Variants in ALKAL1 observed in about 807,000 individuals in gnomAD.
ALKAL1 encodes the protein ALK and LTK ligand 1.
Under a neutral mutation model 13.5 loss-of-function variants are expected in ALKAL1, and 23 were observed. The ratio of observed to expected loss-of-function variants is 1.70; its 90% CI spans 1.23 to 2.41. The LOEUF (loss-of-function observed/expected upper bound fraction) is 2.41. Ranked by LOEUF, ALKAL1 falls within the 30% of genes most tolerant of loss-of-function variation. The pLI is 0.00. For missense variants in ALKAL1, 181 were observed against 178.4 expected, an observed-to-expected ratio of 1.01 and a Z score of -0.08; for synonymous variants, 85 against 77.7, an observed-to-expected ratio of 1.09 and a Z score of -0.49.
intron 1 of ALKAL1, among the ~76,000 whole-genome samples, chr8:52,548,788 A>C (rs555916633): frequency 1.3e-5 from 2 of 152,260 alleles, no homozygotes; most frequent in Non-Finnish European, 2.9e-5. Flanking sequence ...AATTTGTAAA[A>C]GTTTCTAGTT....
chr8:52,543,338 G>A lies in ALKAL1; in HGVS notation c.191-893C>T, dbSNP rs112560368. On this transcript the variant is annotated intron_variant, in intron 1 of 4. Transcript: ENST00000358543. ...CTCTAGGAGAGTCTGAGCCATCACGGTGATGAGTGTGACTTCGCCAGCACA... is the reference window on the plus strand; with the variant it reads ...CTCTAGGAGAGTCTGAGCCATCACGATGATGAGTGTGACTTCGCCAGCACA... Among the ~76,000 whole-genome samples the A allele has an allele frequency of 7.1e-3, 1,085 of 152,360 alleles. 11 individuals carry two copies. Among genetic ancestry groups the A allele is most frequent in the African/African-American group, 0.025 (1,045 of 41,586 alleles).
intron 3 of ALKAL1, 143 bp downstream of exon 3, chr8:52,539,688 T>G: frequency 1.6e-6 from 1 of 619,916 alleles, no homozygotes; most frequent in Admixed American, 3.0e-5. Context: ...AACCTTAGGT[T>G]CTGTCAGTGT....
At chr8:52,562,927 G>T (rs1847565523) in intron 1 of ALKAL1, among the ~76,000 whole-genome samples, 1 of 152,164 alleles carries the variant, frequency 6.6e-6, no homozygotes, top group Admixed American at 6.5e-5. Context: ...GTCCCTGTTT[G>T]TTCCTGATCC....
At chr8:52,551,446 C>A (rs1847429397) in intron 1 of ALKAL1, among the ~76,000 whole-genome samples, 1 of 151,750 alleles carries the variant, frequency 6.6e-6, no homozygotes, top group Admixed American at 6.6e-5. Flanking sequence ...AGGCATGCCA[C>A]CATGCCCGGC....
At chr8:52,562,348 G>GA (rs1470725898) in intron 1 of ALKAL1, among the ~76,000 whole-genome samples, 1 of 152,128 alleles carries the variant, frequency 6.6e-6, no homozygotes, top group Admixed American at 6.5e-5. Context: ...ATTATGAACT[G>GA]AATTGTGCTC....
intron 2 of ALKAL1, among the ~76,000 whole-genome samples, chr8:52,540,486 G>A (rs1847302527): frequency 6.6e-6 from 1 of 152,134 alleles, no homozygotes; most frequent in South Asian, 2.1e-4. Flanking sequence ...AGCACTTTGG[G>A]AGGCCAAGGC....
chr8:52,545,167 G>A (rs2150344879), intron 1 of ALKAL1, among the ~76,000 whole-genome samples: 1 of 152,274 alleles, frequency 6.6e-6, no homozygotes. Context: ...ACTAAGCCAA[G>A]GGAAAAGTCA....
chr8:52,534,703 G>C (rs1847250312), intron 4 of ALKAL1, 103 bp from the exon 5 acceptor site: 3 of 456,518 alleles, frequency 6.6e-6, no homozygotes, highest in Non-Finnish European at 1.1e-5. Context: ...AGACTCTGTG[G>C]ACTCCTAATT....
chr8:52,538,427 TCA>T lies in ALKAL1; in HGVS notation c.*12+2_*12+3del. ...CAGGATAAGAAAAATAAATATATAC[TCA>T]CAGGGTAGTTTTGCTAGGTCTGGGA... On this transcript the variant is annotated splice_donor_variant and splice_donor_region_variant and intron_variant, in intron 4 of 4. Transcript: ENST00000358543. LOFTEE classifies it low-confidence loss of function (3UTR_SPLICE). The T allele has an allele frequency of 2.6e-6, 4 of 1,530,396 alleles. No homozygotes were observed. The South Asian group carries it at 4.6e-5, about 17-fold the overall frequency. The allele number at this position is 1,530,396 out of a possible 1,614,324, so 94.8% of individuals were successfully genotyped here. A position where few individuals can be genotyped will look rare whatever the true frequency, so the allele number is the denominator to read the frequency against.
intron 1 of ALKAL1, among the ~76,000 whole-genome samples, chr8:52,564,103 C>T (rs1293742021): frequency 1.3e-5 from 2 of 152,232 alleles, no homozygotes; most frequent in East Asian, 1.9e-4. Flanking sequence ...TGTGGTCCCA[C>T]GGCCAGCCGC....
chr8:52,540,001 A>G, intron 2 of ALKAL1, 90 bp from the exon 3 acceptor site: 1 of 1,059,540 alleles, frequency 9.4e-7, no homozygotes, highest in Non-Finnish European at 1.4e-6. Flanking sequence ...ATAATACAAC[A>G]GCACTTTACA....
chr8:52,559,954 G>GA lies in ALKAL1; in HGVS notation c.190+5112dup, dbSNP rs1329654670. On this transcript the variant is annotated intron_variant, in intron 1 of 4. Coordinates refer to ENST00000358543, the MANE Select transcript of ALKAL1 (RefSeq NM_207413.4). ...TCTTTTTTAAAATTCAATTTCTTCT[G>GA]AAAAAAGTAATTCTTCCTAAAAGAA... is the stretch of plus-strand genomic sequence containing the variant. Among the ~76,000 whole-genome samples the GA allele has an allele frequency of 3.9e-5, 6 of 151,996 alleles. No homozygotes were observed. The East Asian group carries it at 1.2e-3, about 29-fold the overall frequency.
intron 1 of ALKAL1, among the ~76,000 whole-genome samples, chr8:52,546,478 A>G (rs1049152677): frequency 2.0e-5 from 3 of 152,144 alleles, no homozygotes; most frequent in African/African-American, 7.2e-5. Context: ...TAGTTCTCAT[A>G]CTTTAGCCCA....
chr8:52,564,200 C>T (rs1344157090), intron 1 of ALKAL1, among the ~76,000 whole-genome samples: 1 of 152,196 alleles, frequency 6.6e-6, no homozygotes, highest in African/African-American at 2.4e-5. Flanking sequence ...CAGAGGGGCC[C>T]TTCTGTCCCA....
At chr8:52,554,425 G>A (rs935794227) in intron 1 of ALKAL1, among the ~76,000 whole-genome samples, 9 of 152,164 alleles carry the variant, frequency 5.9e-5, no homozygotes, top group African/African-American at 2.2e-4. Context: ...AAGCAACTGG[G>A]AAACTCCAGA....
chr8:52,554,051 C>T (rs1013459729), intron 1 of ALKAL1, among the ~76,000 whole-genome samples: 6 of 152,088 alleles, frequency 3.9e-5, no homozygotes, highest in African/African-American at 1.4e-4. Flanking sequence ...TGGAGAAACC[C>T]CGTCTCTACT....
In ALKAL1 at chr8:52,534,361, T is replaced by C. The variant is rs934304988; in HGVS notation, c.*252A>G. 1 of 340,386 alleles carries C rather than the reference T, an allele frequency of 2.9e-6. No individual in the cohort carries two copies. Among genetic ancestry groups the C allele is most frequent in the Non-Finnish European group, 5.2e-6 (1 of 191,670 alleles). The allele number at this position is 340,386 out of a possible 1,614,324, so 21.1% of individuals were successfully genotyped here. A position where few individuals can be genotyped will look rare whatever the true frequency, so the allele number is the denominator to read the frequency against. ...AAATACAATCACACAATTTTTAATA[T>C]CTAATTTTCAATATGCGATTCAAAC... is the stretch of plus-strand genomic sequence containing the variant. On this transcript the variant is annotated 3_prime_UTR_variant, in exon 5 of 5. Transcript: ENST00000358543.
At chr8:52,546,217 C>T (rs1018917850) in intron 1 of ALKAL1, among the ~76,000 whole-genome samples, 4 of 152,180 alleles carry the variant, frequency 2.6e-5, no homozygotes, top group African/African-American at 9.7e-5. Flanking sequence ...AACAACAGCT[C>T]CTGAGGCAGA....
chr8:52,545,586 CCCAA>C, intron 1 of ALKAL1, among the ~76,000 whole-genome samples: 1 of 145,160 alleles, frequency 6.9e-6, no homozygotes, highest in Middle Eastern at 3.5e-3. Flanking sequence ...CCTTACTGAA[CCCAA>C]CCAATGTACA....
Sources: gnomAD v4.1 joint callset for allele counts (sites outside exome capture counted in the v4.1 genomes callset) on GRCh38, gnomAD v4.1.1 for gene constraint, MANE v1.5 for transcripts, NCBI Gene and HGNC (gene_info 2026-07-23, HGNC 2026-07-21) for gene names.